FER: variants seen among roughly 807,000 people sequenced by gnomAD.
FER encodes tyrosine-protein kinase Fer.
FER carries 63 observed loss-of-function variants against 111.0 expected under a neutral mutation model. The ratio of observed to expected loss-of-function variants is 0.57; its 90% CI spans 0.46 to 0.70. FER has a LOEUF of 0.70. Among genes scored for constraint, FER ranks in the 30% least tolerant of loss-of-function variants. The probability of loss-of-function intolerance (pLI) is 0.00; values close to 1 mark genes in which losing one functional copy is unlikely to be tolerated. For missense variants in FER, 914 were observed against 954.0 expected (o/e 0.96, Z 0.55); for synonymous variants, 327 against 313.9 (o/e 1.04, Z -0.44).
intron 3 of FER, among the ~76,000 whole-genome samples, chr5:108,828,663 C>T (rs1561478896): frequency 6.6e-6 from 1 of 152,002 alleles, no homozygotes; most frequent in Non-Finnish European, 1.5e-5. Flanking sequence ...TATTTTTTAA[C>T]CTGTCTATAA....
At chr5:108,876,141 A>T (rs933892165) in intron 8 of FER, among the ~76,000 whole-genome samples, 1 of 152,240 alleles carries the variant, frequency 6.6e-6, no homozygotes, top group African/African-American at 2.4e-5. Context: ...CCCATGAGGC[A>T]AATCCAGCTA....
Position 108,777,066 on chromosome 5 carries a change from C to T in FER, c.-60+8828C>T, listed in dbSNP as rs372503224. Among the ~76,000 whole-genome samples the T allele has an allele frequency of 6.0e-4, 91 of 152,266 alleles. 2 individuals carry two copies. The South Asian group carries it at 0.012, about 20-fold the overall frequency. Reference sequence around the variant, plus strand: ...TTGGCCTATGCCTGTAATCCCAGCACGTTGGGAGGCCAGGGTGGGAGGATT... The same window carrying T: ...TTGGCCTATGCCTGTAATCCCAGCATGTTGGGAGGCCAGGGTGGGAGGATT... On this transcript the variant is annotated intron_variant, in intron 2 of 19. Coordinates refer to ENST00000281092, the MANE Select transcript of FER (RefSeq NM_005246.4).
chr5:109,026,979 A>C (rs755552493), intron 13 of FER, among the ~76,000 whole-genome samples: 1 of 152,100 alleles, frequency 6.6e-6, no homozygotes, highest in Non-Finnish European at 1.5e-5. Context: ...ACACCCGGCT[A>C]ATTATTCTTT....
intron 1 of FER, among the ~76,000 whole-genome samples, chr5:108,751,176 G>C (rs1750462906): frequency 6.6e-6 from 1 of 152,010 alleles, no homozygotes; most frequent in Non-Finnish European, 1.5e-5. Context: ...TAGGTAACAA[G>C]ACCGAAACTC....
intron 5 of FER, among the ~76,000 whole-genome samples, chr5:108,855,134 A>G (rs1030049270): frequency 6.6e-6 from 1 of 152,148 alleles, no homozygotes; most frequent in African/African-American, 2.4e-5. Flanking sequence ...TAGATACTCA[A>G]GTGGAACTGT....
chr5:108,931,363 C>G (rs1163643066), intron 10 of FER, among the ~76,000 whole-genome samples: 1 of 151,814 alleles, frequency 6.6e-6, no homozygotes, highest in Non-Finnish European at 1.5e-5. Context: ...AATTTGGTGT[C>G]TCACTGAGCT....
At chr5:108,909,559 T>C (rs925178368) in intron 10 of FER, among the ~76,000 whole-genome samples, 2 of 152,156 alleles carry the variant, frequency 1.3e-5, no homozygotes, top group Admixed American at 6.5e-5. Flanking sequence ...TATATTTAAC[T>C]ATATGGTATA....
intron 16 of FER, among the ~76,000 whole-genome samples, chr5:109,056,679 C>T (rs1773691304): frequency 6.6e-6 from 1 of 152,098 alleles, no homozygotes; most frequent in Non-Finnish European, 1.5e-5. Context: ...TAAAATTGTT[C>T]TGTGTATGGG....
At chr5:108,997,969 G>A (rs1017818458) in intron 13 of FER, among the ~76,000 whole-genome samples, 5 of 151,916 alleles carry the variant, frequency 3.3e-5, no homozygotes, top group African/African-American at 7.3e-5. Flanking sequence ...TTCAGCAATG[G>A]TGGACACCTT....
intron 10 of FER, among the ~76,000 whole-genome samples, chr5:108,915,464 A>G (rs1037715047): frequency 6.6e-6 from 1 of 152,166 alleles, no homozygotes; most frequent in African/African-American, 2.4e-5. Context: ...CTCAAAACAA[A>G]AACAAAAACA....
chr5:109,127,924 GT>G (rs558459970), intron 17 of FER, among the ~76,000 whole-genome samples: 1 of 151,996 alleles, frequency 6.6e-6, no homozygotes, highest in East Asian at 1.9e-4. Context: ...GTTCTTGCTA[GT>G]TTTGGTAGTA....
intron 13 of FER, among the ~76,000 whole-genome samples, chr5:108,966,865 A>G (rs1759920305): frequency 6.6e-6 from 1 of 152,194 alleles, no homozygotes; most frequent in Non-Finnish European, 1.5e-5. Flanking sequence ...AGAGTAACAT[A>G]CACAGTAACA....
intron 16 of FER, among the ~76,000 whole-genome samples, chr5:109,095,481 T>C (rs1448875445): frequency 6.6e-6 from 1 of 152,044 alleles, no homozygotes; most frequent in Non-Finnish European, 1.5e-5. Flanking sequence ...TAATCTCCCT[T>C]TCTGTGCAGC....
intron 16 of FER, among the ~76,000 whole-genome samples, chr5:109,097,752 T>G (rs1747718194): frequency 6.6e-6 from 1 of 151,888 alleles, no homozygotes; most frequent in African/African-American, 2.4e-5. Context: ...GTGTCCTAAC[T>G]TTAGTCCCAT....
At chr5:108,773,349 C>T (rs1046419278) in intron 2 of FER, among the ~76,000 whole-genome samples, 9 of 152,064 alleles carry the variant, frequency 5.9e-5, no homozygotes, top group African/African-American at 2.2e-4. Flanking sequence ...TTTCCCCACA[C>T]CCCTGCTGTC....
chr5:108,764,902 C>G (rs2149945652), intron 1 of FER, among the ~76,000 whole-genome samples: 1 of 152,242 alleles, frequency 6.6e-6, no homozygotes, highest in African/African-American at 2.4e-5. Flanking sequence ...GACATAATCA[C>G]TTTTAGGGTC....
chr5:109,010,563 G>A (rs926009809), intron 13 of FER, among the ~76,000 whole-genome samples: 1 of 152,036 alleles, frequency 6.6e-6, no homozygotes, highest in East Asian at 1.9e-4. Context: ...TGGATCTCCT[G>A]TGGGTGATCC....
chr5:108,987,423 G>A (rs1762698736), intron 13 of FER, among the ~76,000 whole-genome samples: 1 of 151,954 alleles, frequency 6.6e-6, no homozygotes, highest in South Asian at 2.1e-4. Context: ...TCCAGCCTGG[G>A]CAACAAGAGC....
At chr5:108,789,149 C>T (rs1000172235) in intron 2 of FER, among the ~76,000 whole-genome samples, 6 of 152,198 alleles carry the variant, frequency 3.9e-5, no homozygotes, top group Admixed American at 3.9e-4. Flanking sequence ...ACTGACCATA[C>T]TTGTGCAGCT....
Sources: gnomAD v4.1 joint callset for allele counts (sites outside exome capture counted in the v4.1 genomes callset) on GRCh38, gnomAD v4.1.1 for gene constraint, MANE v1.5 for transcripts, NCBI Gene and HGNC (gene_info 2026-07-23, HGNC 2026-07-21) for gene names.